RANBP3: variants seen among roughly 807,000 people sequenced by gnomAD.
The protein encoded by RANBP3 is ran-binding protein 3.
A neutral mutation model predicts 77.3 loss-of-function variants in RANBP3; 14 were observed. That is an observed-to-expected ratio of 0.18 (90% CI 0.12 to 0.28). The LOEUF (loss-of-function observed/expected upper bound fraction) is 0.28, where lower values mean the gene tolerates loss of function less well. Among genes scored for constraint, RANBP3 ranks in the 10% least tolerant of loss-of-function variants. The probability of loss-of-function intolerance (pLI) is 1.00; values close to 1 mark genes in which losing one functional copy is unlikely to be tolerated. For synonymous variants in RANBP3, 315 were observed against 312.4 expected, an observed-to-expected ratio of 1.01 and a Z score of -0.09; for missense variants, 586 against 752.3, an observed-to-expected ratio of 0.78 and a Z score of 2.59.
chr19:5,918,909 G>C (rs1450817341), intron 14 of RANBP3, among the ~76,000 whole-genome samples: 2 of 152,272 alleles, frequency 1.3e-5, no homozygotes, highest in Non-Finnish European at 2.9e-5. Flanking sequence ...TCAGTGACCA[G>C]AGGCCACATG....
In RANBP3 at chr19:5,917,091, G is replaced by T. The variant is rs183546732; in HGVS notation, c.*519C>A. On this transcript the variant is annotated 3_prime_UTR_variant, in exon 17 of 17. Coordinates refer to ENST00000340578, the MANE Select transcript of RANBP3 (RefSeq NM_007322.3). ...AAATGAAGATAGTAGTTAACAGCAC[G>T]TCCAATGGGCCCAGTGTCTACACTC... 62 of 163,342 alleles carry T rather than the reference G, an allele frequency of 3.8e-4. No individual in the cohort carries two copies. The highest frequency in any genetic ancestry group is 5.7e-4 in the Non-Finnish European group (42 of 73,930). The allele number at this position is 163,342 out of a possible 1,614,324, so 10.1% of individuals were successfully genotyped here.
intron 1 of RANBP3, chr19:5,974,242 TCA>T (rs2058562831): frequency 2.0e-5 from 3 of 152,358 alleles, no homozygotes; most frequent in African/African-American, 7.2e-5. Context: ...GAGCCCTGCT[TCA>T]CACTGTCTCC....
rs2058287049 is a variant in RANBP3, at chr19:5,952,441, G to A, written c.79-845C>T. Among the ~76,000 whole-genome samples the A allele has an allele frequency of 6.6e-6, 1 of 152,152 alleles. No homozygotes were observed. The highest frequency in any genetic ancestry group is 1.5e-5 in the Non-Finnish European group (1 of 68,030). ...AAGGTGGTTCCTGGGACTCCAGCAG[G>A]GCTTCCATGGGCTGAGAGCTCTGTG... On this transcript the variant is annotated intron_variant, in intron 2 of 16. Transcript: ENST00000340578. The surrounding 1 kb of genome is among the most constrained non-coding windows in gnomAD (Gnocchi z 4.1).
intron 9 of RANBP3, among the ~76,000 whole-genome samples, chr19:5,926,513 T>A (rs145838655): frequency 2.8e-3 from 428 of 152,172 alleles, no homozygotes; most frequent in African/African-American, 0.01. Context: ...ATCATGCCAC[T>A]GCACTCCAGC....
chr19:5,961,856 T>C (rs2058406676), intron 1 of RANBP3, among the ~76,000 whole-genome samples: 1 of 152,032 alleles, frequency 6.6e-6, no homozygotes, highest in Admixed American at 6.6e-5. Context: ...GTGGTGGCAC[T>C]GAAAAGCCCG....
At chr19:5,936,409 C>T (rs190935638) in intron 5 of RANBP3, among the ~76,000 whole-genome samples, 23 of 146,354 alleles carry the variant, frequency 1.6e-4, no homozygotes, top group Admixed American at 1.1e-3. Flanking sequence ...CAGCTCTGTC[C>T]GTCATCTCCA....
intron 1 of RANBP3, among the ~76,000 whole-genome samples, 191 bp downstream of exon 1, chr19:5,977,870 T>G (rs1256710975): frequency 6.6e-6 from 1 of 151,314 alleles, no homozygotes; most frequent in Non-Finnish European, 1.5e-5. Flanking sequence ...TTGCCGGGAG[T>G]GATGGGCCGG....
Position 5,924,692 on chromosome 19 carries a change from C to T in RANBP3, c.996+135G>A. ...AGGCTGAGTCTGAGCAGGGTCTTCC[C>T]TCTCTCACTTGCTACTGAAGGCATC... On this transcript the variant is annotated intron_variant, in intron 11 of 16. Transcript: ENST00000340578. This position sits in a 1 kb window ranked among gnomAD's most constrained non-coding sequence, Gnocchi z 4.7. 1 of 897,446 alleles carries T rather than the reference C, an allele frequency of 1.1e-6. No homozygotes were observed. Among genetic ancestry groups the T allele is most frequent in the Non-Finnish European group, 1.8e-6 (1 of 550,598 alleles). The allele number at this position is 897,446 out of a possible 1,614,324, so 55.6% of individuals were successfully genotyped here.
intron 1 of RANBP3, among the ~76,000 whole-genome samples, chr19:5,974,618 C>A (rs531896265): frequency 6.6e-6 from 1 of 152,090 alleles, no homozygotes; most frequent in Non-Finnish European, 1.5e-5. Flanking sequence ...ATCCATGAGG[C>A]GTTCACCATG....
At chr19:5,966,336 T>C (rs1361734766) in intron 1 of RANBP3, among the ~76,000 whole-genome samples, 1 of 152,190 alleles carries the variant, frequency 6.6e-6, no homozygotes, top group East Asian at 1.9e-4. Flanking sequence ...ATTATCCCAA[T>C]GGCTGATCCC....
chr19:5,927,975 C>T lies in RANBP3; in HGVS notation c.806G>A (p.Arg269Lys). The part of the protein sequence containing the change: ...AFVFGQNLRD[R>K]VKLINESVDE... ...GTTCAACAGCTCACATACCTTAACT[C>T]TGTCCCTCAAGTTCTGCCCAAATAC... Residue 269 changes from arginine (R) to lysine (K), a missense_variant, in exon 9 of 17, where the codon AGA (arginine) becomes AAA (lysine). Coordinates refer to ENST00000340578, the MANE Select transcript of RANBP3 (RefSeq NM_007322.3). 1.2e-6 allele frequency: 2 copies of T among 1,611,648 alleles called. No homozygotes were observed. Among genetic ancestry groups the T allele is most frequent in the Non-Finnish European group, 1.7e-6 (2 of 1,179,104 alleles).
intron 3 of RANBP3, among the ~76,000 whole-genome samples, chr19:5,947,712 T>C (rs1392878675): frequency 6.6e-6 from 1 of 152,148 alleles, no homozygotes; most frequent in East Asian, 1.9e-4. Flanking sequence ...GAGCGAGCAC[T>C]GTGAGTGCTG....
chr19:5,953,341 A>G (rs1393833246), intron 2 of RANBP3, among the ~76,000 whole-genome samples: 1 of 152,228 alleles, frequency 6.6e-6, no homozygotes, highest in Non-Finnish European at 1.5e-5. Flanking sequence ...TCAGACATCA[A>G]GAGTTTGCCA....
chr19:5,954,146 GC>G (rs2058307414), intron 2 of RANBP3, among the ~76,000 whole-genome samples: 1 of 152,188 alleles, frequency 6.6e-6, no homozygotes, highest in South Asian at 2.1e-4. Flanking sequence ...TAAAACCTGA[GC>G]ATAAAGAGCT....
intron 1 of RANBP3, among the ~76,000 whole-genome samples, chr19:5,973,233 GT>G (rs1445273208): frequency 6.6e-6 from 1 of 152,198 alleles, no homozygotes; most frequent in Non-Finnish European, 1.5e-5. Flanking sequence ...TAAAAATTCA[GT>G]TGCATCTCAC....
chr19:5,919,420 C>A (rs2057788587), intron 14 of RANBP3, among the ~76,000 whole-genome samples: 1 of 152,348 alleles, frequency 6.6e-6, no homozygotes, highest in South Asian at 2.1e-4. Flanking sequence ...GTGCCCACCT[C>A]AGAGGCCGAG....
At position 5,918,604 on chromosome 19, in the gene RANBP3, G is replaced by A. The variant is rs751902036; in HGVS notation, c.1365C>T (p.Leu455=). 2 of 1,613,668 alleles carry A rather than the reference G, an allele frequency of 1.2e-6. No homozygotes were observed. The highest frequency in any genetic ancestry group is 1.3e-5 in the African/African-American group (1 of 74,882). The change falls in exon 15 of 17, where the codon CTC becomes CTT. Residue 455 remains leucine (L), a synonymous_variant. Transcript: ENST00000340578. ...GCATCTGGGCCCACAGCTTGGTGTT[G>A]AGGATCAGTCGCAGGCTCCCCTGGG... The part of the protein sequence containing the change: ...MRTQGSLRLI[L]NTKLWAQMQI...
chr19:5,929,937 CA>C (rs200550469), intron 8 of RANBP3, among the ~76,000 whole-genome samples: 3,645 of 152,338 alleles, frequency 0.024, 146 homozygotes, highest in African/African-American at 0.084. Context: ...CTTCTGAGCT[CA>C]ACCATTTGGG....
chr19:5,969,461 C>T (rs1284401075), intron 1 of RANBP3, among the ~76,000 whole-genome samples: 1 of 152,252 alleles, frequency 6.6e-6, no homozygotes, highest in Non-Finnish European at 1.5e-5. Flanking sequence ...TTTAAACTTA[C>T]TGCAAAAGGC....
Sources: allele counts gnomAD v4.1 joint callset (sites outside exome capture counted in the v4.1 genomes callset), GRCh38; gene constraint gnomAD v4.1.1; non-coding constraint Gnocchi (gnomAD v3.1); transcripts MANE v1.5; gene names NCBI Gene and HGNC (gene_info 2026-07-23, HGNC 2026-07-21).